Variants in GALNT13 observed in about 807,000 individuals in gnomAD.
The protein encoded by GALNT13 is polypeptide N-acetylgalactosaminyltransferase 13.
Under a neutral mutation model 64.2 loss-of-function variants are expected in GALNT13, and 28 were observed. That is an observed-to-expected ratio of 0.44 (90% CI 0.32 to 0.60). The LOEUF is 0.60. Among genes scored for constraint, GALNT13 ranks in the 20% least tolerant of loss-of-function variants. GALNT13 has a pLI of 0.05. For synonymous variants in GALNT13, 214 were observed against 224.6 expected (o/e 0.95, Z 0.42); for missense variants, 577 against 669.8 (o/e 0.86, Z 1.53).
the GALNT13 span, among the ~76,000 whole-genome samples, chr2:153,716,355 C>A: frequency 3.9e-5 from 6 of 152,166 alleles, no homozygotes; most frequent in South Asian, 8.3e-4. Flanking sequence ...TGGTGTGATT[C>A]TTTTTGTTTT....
At chr2:153,177,162 C>T in the GALNT13 span, among the ~76,000 whole-genome samples, 1 of 151,836 alleles carries the variant, frequency 6.6e-6, no homozygotes, top group Admixed American at 6.6e-5. Context: ...AAATACATGA[C>T]ATTACTAGCA....
At chr2:153,169,028 T>C in the GALNT13 span, among the ~76,000 whole-genome samples, 2 of 151,066 alleles carry the variant, frequency 1.3e-5, no homozygotes, top group Non-Finnish European at 2.9e-5. Flanking sequence ...AAAAAAAAAC[T>C]AGTTATGCCG....
At chr2:153,151,975 T>TATA in the GALNT13 span, among the ~76,000 whole-genome samples, 1 of 151,944 alleles carries the variant, frequency 6.6e-6, no homozygotes, top group Non-Finnish European at 1.5e-5. Context: ...AAACTTAAAG[T>TATA]ATAATAATAA....
chr2:154,319,821 A>T (rs1013540151), intron 9 of GALNT13, among the ~76,000 whole-genome samples: 1 of 152,064 alleles, frequency 6.6e-6, no homozygotes, highest in South Asian at 2.1e-4. Context: ...ATTCAGTAAC[A>T]TATTTTGATT....
the GALNT13 span, among the ~76,000 whole-genome samples, chr2:153,712,472 C>A: frequency 1.3e-5 from 2 of 151,944 alleles, no homozygotes; most frequent in Non-Finnish European, 2.9e-5. Flanking sequence ...GAAAGAAGAA[C>A]CTCAGTATAT....
chr2:153,902,177 A>G (rs969783063), intron 2 of GALNT13, among the ~76,000 whole-genome samples: 1 of 152,070 alleles, frequency 6.6e-6, no homozygotes, highest in Non-Finnish European at 1.5e-5. Context: ...ACATTTTCAG[A>G]ATTACTAGTA....
the GALNT13 span, among the ~76,000 whole-genome samples, chr2:153,429,732 T>G: frequency 6.6e-6 from 1 of 152,176 alleles, no homozygotes; most frequent in African/African-American, 2.4e-5. Flanking sequence ...TTACCTTATA[T>G]TATTAAAATA....
intron 2 of GALNT13, among the ~76,000 whole-genome samples, chr2:153,913,864 C>A (rs1292417858): frequency 6.6e-6 from 1 of 152,166 alleles, no homozygotes; most frequent in African/African-American, 2.4e-5. Flanking sequence ...TTCTGATGTT[C>A]TGGTCCCTTG....
chr2:153,594,833 A>T, the GALNT13 span, among the ~76,000 whole-genome samples: 1 of 152,118 alleles, frequency 6.6e-6, no homozygotes, highest in Non-Finnish European at 1.5e-5. Context: ...TTCTGCCGTC[A>T]TCTAGCTAAA....
intron 3 of GALNT13, among the ~76,000 whole-genome samples, chr2:154,038,815 GAC>G (rs1698813322): frequency 1.3e-5 from 2 of 151,982 alleles, no homozygotes; most frequent in Admixed American, 1.3e-4. Flanking sequence ...ACCGAGTCAA[GAC>G]ACAACCTGCA....
At chr2:153,556,467 G>A in the GALNT13 span, among the ~76,000 whole-genome samples, 1 of 151,998 alleles carries the variant, frequency 6.6e-6, no homozygotes, top group African/African-American at 2.4e-5. Flanking sequence ...TTCTGTTGAC[G>A]ATATAATACT....
At chr2:153,766,931 GT>G in the GALNT13 span, among the ~76,000 whole-genome samples, 1 of 151,788 alleles carries the variant, frequency 6.6e-6, no homozygotes, top group Non-Finnish European at 1.5e-5. Context: ...TTACTTTATT[GT>G]TAAATTTCTC....
At chr2:154,194,373 T>C (rs997879142) in intron 4 of GALNT13, among the ~76,000 whole-genome samples, 9 of 152,170 alleles carry the variant, frequency 5.9e-5, no homozygotes, top group African/African-American at 1.9e-4. Flanking sequence ...TCCTATGCCA[T>C]TTACATGCCA....
intron 10 of GALNT13, among the ~76,000 whole-genome samples, chr2:154,401,991 G>A (rs572699438): frequency 6.6e-6 from 1 of 152,188 alleles, no homozygotes; most frequent in East Asian, 1.9e-4. Context: ...ATATCCACAA[G>A]AGCAATCATA....
intron 3 of GALNT13, among the ~76,000 whole-genome samples, chr2:154,064,992 G>A (rs1261276926): frequency 6.6e-6 from 1 of 152,036 alleles, no homozygotes; most frequent in Non-Finnish European, 1.5e-5. Flanking sequence ...TGAGCCACAG[G>A]GGAGCCCACT....
chr2:153,569,001 T>C, the GALNT13 span, among the ~76,000 whole-genome samples: 47 of 152,348 alleles, frequency 3.1e-4, no homozygotes, highest in African/African-American at 1.1e-3. Flanking sequence ...TATTCCACAG[T>C]GCATTTATGC....
intron 9 of GALNT13, among the ~76,000 whole-genome samples, chr2:154,350,405 C>T (rs1696327217): frequency 6.6e-6 from 1 of 152,206 alleles, no homozygotes; most frequent in Non-Finnish European, 1.5e-5. Flanking sequence ...TGCTTCCTGC[C>T]CTCCAATGTT....
chr2:153,358,720 A>T, the GALNT13 span, among the ~76,000 whole-genome samples: 1 of 152,182 alleles, frequency 6.6e-6, no homozygotes, highest in African/African-American at 2.4e-5. Context: ...ATAAAACTAT[A>T]TAGGACATAT....
intron 4 of GALNT13, among the ~76,000 whole-genome samples, chr2:154,188,991 C>G (rs768183122): frequency 1.3e-5 from 2 of 152,062 alleles, no homozygotes; most frequent in Non-Finnish European, 2.9e-5. Flanking sequence ...TACTATGCCT[C>G]AGTTTCCTAA....
Sources: gnomAD v4.1 joint callset for allele counts (sites outside exome capture counted in the v4.1 genomes callset) on GRCh38, gnomAD v4.1.1 for gene constraint, MANE v1.5 for transcripts, NCBI Gene and HGNC (gene_info 2026-07-23, HGNC 2026-07-21) for gene names.